The following SLC25A26 variants were observed in gnomAD, a reference collection of about 807,000 sequenced individuals.
SLC25A26 encodes mitochondrial S-adenosylmethionine carrier protein.
A neutral mutation model predicts 37.8 loss-of-function variants in SLC25A26; 36 were observed. The ratio of observed to expected loss-of-function variants is 0.95; its 90% confidence interval spans 0.73 to 1.26. The LOEUF (loss-of-function observed/expected upper bound fraction) is 1.26, where lower values mean the gene tolerates loss of function less well. SLC25A26 is among the 50% of genes most tolerant of loss of function. SLC25A26 has a pLI of 0.00. For synonymous variants in SLC25A26, 129 were observed against 122.5 expected (o/e 1.05, Z -0.35); for missense variants, 390 against 331.1 (o/e 1.18, Z -1.38).
intron 5 of SLC25A26, among the ~76,000 whole-genome samples, chr3:66,329,149 A>C (rs1481393560): frequency 6.6e-6 from 1 of 152,198 alleles, no homozygotes; most frequent in African/African-American, 2.4e-5. Context: ...GGAATTTCAT[A>C]TTAAGTCGGT....
intron 5 of SLC25A26, among the ~76,000 whole-genome samples, chr3:66,315,836 T>G (rs908911296): frequency 6.6e-6 from 1 of 152,210 alleles, no homozygotes; most frequent in African/African-American, 2.4e-5. Context: ...TTAGCTCTTC[T>G]TCTTGATTTG....
chr3:66,143,676 G>T (rs1368515495), intron 1 of SLC25A26, among the ~76,000 whole-genome samples: 1 of 152,136 alleles, frequency 6.6e-6, no homozygotes, highest in East Asian at 1.9e-4. Context: ...TTGAGACCAG[G>T]AGTTCGAGAC....
chr3:66,333,842 A>AT (rs2076032940), intron 5 of SLC25A26, among the ~76,000 whole-genome samples: 1 of 151,896 alleles, frequency 6.6e-6, no homozygotes, highest in Non-Finnish European at 1.5e-5. Flanking sequence ...AAAACAAAAA[A>AT]CAAACAAAAA....
intron 1 of SLC25A26, among the ~76,000 whole-genome samples, chr3:66,189,905 T>A (rs2106786239): frequency 6.6e-6 from 1 of 152,210 alleles, no homozygotes; most frequent in East Asian, 1.9e-4. Context: ...GTTCAAGTGA[T>A]CCTCTCACCT....
intron 3 of SLC25A26, among the ~76,000 whole-genome samples, chr3:66,257,786 C>T (rs1294229106): frequency 6.6e-6 from 1 of 152,154 alleles, no homozygotes; most frequent in Non-Finnish European, 1.5e-5. Context: ...CATCTTCACA[C>T]GACGGTAGTG....
At chr3:66,202,640 C>G (rs1240685374) in intron 1 of SLC25A26, among the ~76,000 whole-genome samples, 2 of 151,744 alleles carry the variant, frequency 1.3e-5, no homozygotes, top group Non-Finnish European at 2.9e-5. Flanking sequence ...GACACTTGTT[C>G]AACAGCGAGA....
chr3:66,370,262 G>A (rs1434822064), intron 8 of SLC25A26, among the ~76,000 whole-genome samples: 1 of 152,192 alleles, frequency 6.6e-6, no homozygotes, highest in African/African-American at 2.4e-5. Context: ...CTGTCTTTCT[G>A]CTGTTAAATA....
At chr3:66,334,744 A>C (rs1291948378) in intron 5 of SLC25A26, among the ~76,000 whole-genome samples, 1 of 152,132 alleles carries the variant, frequency 6.6e-6, no homozygotes, top group Non-Finnish European at 1.5e-5. Context: ...GAAGACCCTC[A>C]GGGCAAAAGC....
chr3:66,271,510 C>T (rs189790425), intron 5 of SLC25A26, among the ~76,000 whole-genome samples: 18 of 152,208 alleles, frequency 1.2e-4, no homozygotes, highest in African/African-American at 3.9e-4. Context: ...CTTTATCTGT[C>T]CTTTTGTTTA....
At chr3:66,193,695 G>T (rs1432384774) in intron 1 of SLC25A26, among the ~76,000 whole-genome samples, 2 of 151,254 alleles carry the variant, frequency 1.3e-5, no homozygotes, top group East Asian at 3.9e-4. Context: ...ACAAATTAAA[G>T]AACTTTTAGA....
chr3:66,159,901 T>G, intron 1 of SLC25A26, among the ~76,000 whole-genome samples: 1 of 152,182 alleles, frequency 6.6e-6, no homozygotes, highest in African/African-American at 2.4e-5. Context: ...ATGAGGAAAC[T>G]GAGGCTTGAG....
chr3:66,318,175 T>G (rs1424918203), intron 5 of SLC25A26, among the ~76,000 whole-genome samples: 1 of 152,168 alleles, frequency 6.6e-6, no homozygotes, highest in East Asian at 1.9e-4. Context: ...ATGTCCTGCC[T>G]CGCTGGGGTT....
rs1008639343 is a variant in SLC25A26, at chr3:66,212,076, A to G, written c.-353-8666A>G. Among the ~76,000 whole-genome samples the G allele has an allele frequency of 7.2e-5, 11 of 152,354 alleles. No individual in the cohort carries two copies. In the East Asian group the frequency reaches 1.7e-3, roughly 24 times the overall value. On this transcript the variant is annotated intron_variant, in intron 1 of 10. Transcript: ENST00000676754. ...TGAGTGAGTGAGAGACTACATTCACATAACTTTTGTTACAGTATATTGTTA... is the reference window on the plus strand; with the variant it reads ...TGAGTGAGTGAGAGACTACATTCACGTAACTTTTGTTACAGTATATTGTTA...
chr3:66,182,725 G>A (rs779804111), intron 1 of SLC25A26, among the ~76,000 whole-genome samples: 4 of 139,596 alleles, frequency 2.9e-5, no homozygotes, highest in Non-Finnish European at 3.1e-5. Flanking sequence ...GCGGGGGGGG[G>A]GGGTGGGGTA....
chr3:66,325,759 G>A (rs945146514), intron 5 of SLC25A26, among the ~76,000 whole-genome samples: 36 of 152,196 alleles, frequency 2.4e-4, no homozygotes, highest in Non-Finnish European at 4.9e-4. Flanking sequence ...AGCGCATGCA[G>A]GGCCTCCAAG....
intron 1 of SLC25A26, among the ~76,000 whole-genome samples, chr3:66,189,461 C>G (rs2070894282): frequency 6.6e-6 from 1 of 152,100 alleles, no homozygotes; most frequent in African/African-American, 2.4e-5. Context: ...GTGACCCCCT[C>G]TCTCTGACCC....
At chr3:66,155,374 G>T in intron 1 of SLC25A26, among the ~76,000 whole-genome samples, 1 of 152,114 alleles carries the variant, frequency 6.6e-6, no homozygotes, top group African/African-American at 2.4e-5. Context: ...TTAGCCAGAT[G>T]TGGTGGTGTG....
intron 3 of SLC25A26, among the ~76,000 whole-genome samples, chr3:66,256,817 C>T (rs937511948): frequency 2.0e-5 from 3 of 152,104 alleles, no homozygotes; most frequent in Non-Finnish European, 2.9e-5. Flanking sequence ...ATCACTTGGG[C>T]CCAGGACTGA....
At chr3:66,311,614 ATCT>A (rs1268739241) in intron 5 of SLC25A26, among the ~76,000 whole-genome samples, 1 of 151,854 alleles carries the variant, frequency 6.6e-6, no homozygotes, top group Non-Finnish European at 1.5e-5. Context: ...GTTTTTCCTC[ATCT>A]TCATGGATTT....
Sources: allele counts gnomAD v4.1 joint callset (sites outside exome capture counted in the v4.1 genomes callset), GRCh38; gene constraint gnomAD v4.1.1; transcripts MANE v1.5; gene names NCBI Gene and HGNC (gene_info 2026-07-23, HGNC 2026-07-21).